The following BIRC6 variants were observed in gnomAD, a reference collection of about 807,000 sequenced individuals.
BIRC6 encodes the protein baculoviral IAP repeat containing 6.
A neutral mutation model predicts 503.3 loss-of-function variants in BIRC6; 98 were observed. That is an observed-to-expected ratio of 0.19 (90% CI 0.17 to 0.23). The LOEUF is 0.23. BIRC6 is among the 10% of genes least tolerant of loss of function. The probability of loss-of-function intolerance (pLI) is 1.00; values close to 1 mark genes in which losing one functional copy is unlikely to be tolerated. For missense variants in BIRC6, 5,360 were observed against 5,806.0 expected (o/e 0.92, Z 2.50); for synonymous variants, 2,240 against 2,078.7 (o/e 1.08, Z -2.11).
chr2:32,613,191 G>A (rs1160556612), intron 73 of BIRC6, among the ~76,000 whole-genome samples: 3 of 129,976 alleles, frequency 2.3e-5, no homozygotes, highest in African/African-American at 5.2e-5. Flanking sequence ...TGACTGGTTT[G>A]TTTGTTTGTT....
chr2:32,537,939 C>T (rs1226383993), intron 61 of BIRC6, among the ~76,000 whole-genome samples: 1 of 151,800 alleles, frequency 6.6e-6, no homozygotes, highest in Non-Finnish European at 1.5e-5. Flanking sequence ...TGCACTCCAG[C>T]CTGGGCGACA....
chr2:32,562,965 C>G (rs2059298598), intron 65 of BIRC6, among the ~76,000 whole-genome samples: 1 of 152,138 alleles, frequency 6.6e-6, no homozygotes, highest in Non-Finnish European at 1.5e-5. Flanking sequence ...TTCGTGAGTA[C>G]CACATTGTCT....
At chr2:32,517,957 C>T (rs1345650178) in intron 55 of BIRC6, among the ~76,000 whole-genome samples, 2 of 151,844 alleles carry the variant, frequency 1.3e-5, no homozygotes, top group African/African-American at 4.8e-5. Context: ...AACGGGAGTT[C>T]GTTATGCTAG....
At chr2:32,578,565 T>C (rs940913478) in intron 66 of BIRC6, among the ~76,000 whole-genome samples, 12 of 152,012 alleles carry the variant, frequency 7.9e-5, no homozygotes, top group Non-Finnish European at 1.8e-4. Context: ...ATAGGCTGAC[T>C]TGGGCTGATC....
intron 5 of BIRC6, among the ~76,000 whole-genome samples, chr2:32,392,509 G>A (rs2149575845): frequency 6.6e-6 from 1 of 152,282 alleles, no homozygotes; most frequent in East Asian, 1.9e-4. Flanking sequence ...GCCTGCCTCG[G>A]CCTCCCAAAG....
At chr2:32,510,454 T>G in intron 52 of BIRC6, 72 bp from the exon 53 acceptor site, 1 of 874,616 alleles carries the variant, frequency 1.1e-6, no homozygotes, top group South Asian at 1.5e-5. Context: ...ATAACTTAAT[T>G]CAATTAAGTA....
At chr2:32,568,899 T>C (rs775298542) in intron 65 of BIRC6, among the ~76,000 whole-genome samples, 4 of 151,404 alleles carry the variant, frequency 2.6e-5, no homozygotes, top group Non-Finnish European at 5.9e-5. Flanking sequence ...GGGGTTTTAG[T>C]GTACCCATCA....
At position 32,463,188 on chromosome 2, in the gene BIRC6, T is replaced by C. The variant is rs377154419; in HGVS notation, c.4754-6T>C. ...GTTTTTGTTTTTACCCCTTGTCTTA[T>C]GCCAGTGAGTTCCTTCGGGGTTACT... is the stretch of plus-strand genomic sequence containing the variant. On this transcript the variant is annotated splice_polypyrimidine_tract_variant and splice_region_variant and intron_variant, in intron 23 of 73. Coordinates refer to ENST00000421745, the MANE Select transcript of BIRC6 (RefSeq NM_016252.4). The C allele has an allele frequency of 2.5e-6, 4 of 1,602,784 alleles. No homozygotes were observed. The highest frequency in any genetic ancestry group is 2.7e-5 in the African/African-American group (2 of 74,370).
At chr2:32,377,472 C>G in intron 1 of BIRC6, 116 bp from the exon 2 acceptor site, 3 of 752,592 alleles carry the variant, frequency 4.0e-6, no homozygotes. Flanking sequence ...GAAGTTTTTT[C>G]CAGTTTAAGA....
chr2:32,492,149 A>G (rs1263043497), intron 44 of BIRC6, among the ~76,000 whole-genome samples: 2 of 152,108 alleles, frequency 1.3e-5, no homozygotes, highest in African/African-American at 2.4e-5. Flanking sequence ...AGATTATTCA[A>G]GATTATCTTG....
chr2:32,595,033 GA>G lies in BIRC6; in HGVS notation c.13509del (p.Lys4503AsnfsTer11). 3 of 1,554,388 alleles carry G rather than the reference GA, an allele frequency of 1.9e-6. No individual in the cohort carries two copies. Among genetic ancestry groups the G allele is most frequent in the Non-Finnish European group, 2.6e-6 (3 of 1,148,024 alleles). On this transcript the variant is annotated frameshift_variant and splice_region_variant, in exon 68 of 74. Coordinates refer to ENST00000421745, the MANE Select transcript of BIRC6 (RefSeq NM_016252.4). LOFTEE classifies it high-confidence loss of function. ...ATTTATCTTGAAATATTAAATAACA[GA>G]AAAAAAACTGGGTGAATACTCCAAG... The part of the protein sequence containing the change: ...ATTSLRQANQ[E>X]KKLGEYSKKA...
chr2:32,502,148 A>G (rs919139854), intron 47 of BIRC6, among the ~76,000 whole-genome samples: 3 of 152,190 alleles, frequency 2.0e-5, no homozygotes, highest in African/African-American at 7.2e-5. Flanking sequence ...TATAGTCTCA[A>G]GAAGTTCTTC....
At chr2:32,617,581 TGTAACA>T (rs1489830180) in intron 73 of BIRC6, 138 bp from the exon 74 acceptor site, 5 of 831,200 alleles carry the variant, frequency 6.0e-6, no homozygotes, top group Non-Finnish European at 8.9e-6. Context: ...ATCAAGTGCC[TGTAACA>T]GTAGCTTGCA....
At chr2:32,616,140 A>C (rs542616351) in intron 73 of BIRC6, among the ~76,000 whole-genome samples, 14 of 152,322 alleles carry the variant, frequency 9.2e-5, no homozygotes, top group Non-Finnish European at 1.6e-4. Flanking sequence ...AAAAAGTTCT[A>C]ATGATAGGCT....
At position 32,549,501 on chromosome 2, in the gene BIRC6, G is replaced by C. The variant is rs950470759; in HGVS notation, c.13144+20G>C. The stretch of plus-strand genomic sequence containing the variant: ...ATTCAGGTAAATAATCCCTGTAAAT[G>C]TGTCTGTGGATGAATAATTTTGTTT... On this transcript the variant is annotated intron_variant, in intron 65 of 73. Transcript: ENST00000421745. The C allele has an allele frequency of 5.1e-6, 7 of 1,382,922 alleles. No homozygotes were observed. Among genetic ancestry groups the C allele is most frequent in the Non-Finnish European group, 6.7e-6 (7 of 1,045,442 alleles). 85.7% of individuals were successfully genotyped at this position (1,382,922 alleles called of 1,614,324 possible). A position where few individuals can be genotyped will look rare whatever the true frequency, so the allele number is the denominator to read the frequency against.
intron 66 of BIRC6, among the ~76,000 whole-genome samples, chr2:32,582,579 C>T (rs2060745678): frequency 6.6e-6 from 1 of 152,134 alleles, no homozygotes; most frequent in Non-Finnish European, 1.5e-5. Flanking sequence ...GCCTGGTCAA[C>T]ATGGCGAAAC....
chr2:32,453,890 C>G lies in BIRC6; in HGVS notation c.4701C>G (p.His1567Gln). 6.2e-7 allele frequency: 1 copy of G among 1,613,546 alleles called. No homozygotes were observed. Among genetic ancestry groups the G allele is most frequent in the Non-Finnish European group, 8.5e-7 (1 of 1,179,550 alleles). ...LTGLLEVEPL[H>Q]FTCVSTSDGT... ...GACTTTTGGAAGTTGAACCTCTGCA[C>G]TTTACTTGTGTGTCAACTAGTGATG... The change falls in exon 23 of 74, where the codon CAC (histidine) becomes CAG (glutamine). Residue 1567 changes from histidine (H) to glutamine (Q), a missense_variant. By Grantham distance (24) the His-to-Gln change is conservative. Around this residue, in one of 16 missense-constraint regions of BIRC6, gnomAD observed 2,299 missense variants for 2,267.2 expected, o/e 1.01. Coordinates refer to ENST00000421745, the MANE Select transcript of BIRC6 (RefSeq NM_016252.4).
intron 50 of BIRC6, among the ~76,000 whole-genome samples, chr2:32,506,391 C>T (rs1054105450): frequency 3.9e-5 from 6 of 152,170 alleles, no homozygotes; most frequent in African/African-American, 1.4e-4. Context: ...GGCATCCACA[C>T]TCCTTAGATA....
chr2:32,517,158 T>A (rs991173822), intron 55 of BIRC6, among the ~76,000 whole-genome samples: 4 of 151,926 alleles, frequency 2.6e-5, no homozygotes, highest in African/African-American at 4.8e-5. Context: ...TGGCAAAACC[T>A]CCTGTCTACC....
Sources: allele counts gnomAD v4.1 joint callset (sites outside exome capture counted in the v4.1 genomes callset), GRCh38; gene constraint gnomAD v4.1.1; regional missense constraint gnomAD v4.1.1; transcripts MANE v1.5; gene names NCBI Gene and HGNC (gene_info 2026-07-23, HGNC 2026-07-21).